JAKMIP1: variants seen among roughly 807,000 people sequenced by gnomAD.
JAKMIP1 encodes janus kinase and microtubule-interacting protein 1.
A neutral mutation model predicts 113.0 loss-of-function variants in JAKMIP1; 33 were observed. The observed-to-expected ratio is 0.29, with a 90% confidence interval of 0.22 to 0.39. The LOEUF (loss-of-function observed/expected upper bound fraction) is 0.39, where lower values mean the gene tolerates loss of function less well. JAKMIP1 is among the 10% of genes least tolerant of loss of function. The pLI, the probability that JAKMIP1 is intolerant of heterozygous loss-of-function variation, is 1.00. For missense variants in JAKMIP1, 813 were observed against 1,080.5 expected (o/e 0.75, Z 3.47); for synonymous variants, 480 against 459.9 (o/e 1.04, Z -0.56).
chr4:6,176,632 G>A lies in JAKMIP1; in HGVS notation c.-148+23621C>T, dbSNP rs1036161800. ...CTCCATGTTTACAAATGGGGAAACT[G>A]AGGCTTGCAGTGGTAGAATGACTCA... On this transcript the variant is annotated intron_variant, in intron 1 of 20. Transcript: ENST00000409021. This position sits in a 1 kb window ranked among gnomAD's most constrained non-coding sequence, Gnocchi z 5.5. Among the ~76,000 whole-genome samples, 3 of 152,178 alleles carry A rather than the reference G, an allele frequency of 2.0e-5. No individual in the cohort carries two copies. Among genetic ancestry groups the A allele is most frequent in the African/African-American group, 7.2e-5 (3 of 41,442 alleles).
rs540417336 is a variant in JAKMIP1, at chr4:6,140,213, C to G, written c.-147-27216G>C. 5.9e-5 allele frequency among the ~76,000 whole-genome samples: 9 copies of G among 151,636 alleles called. No individual in the cohort carries two copies. Among genetic ancestry groups the G allele is most frequent in the Non-Finnish European group, 1.0e-4 (7 of 67,988 alleles). On this transcript the variant is annotated intron_variant, in intron 1 of 20. Coordinates refer to ENST00000409021, the MANE Select transcript of JAKMIP1 (RefSeq NM_001099433.2). This position sits in a 1 kb window ranked among gnomAD's most constrained non-coding sequence, Gnocchi z 9.4. Reference sequence around the variant, plus strand: ...ATCAATGTTCACGTGGCTCTCCACCCGGACATTTGGGCTGCTCCCTATTTT... The same window carrying G: ...ATCAATGTTCACGTGGCTCTCCACCGGGACATTTGGGCTGCTCCCTATTTT...
rs936134532 is a variant in JAKMIP1 at position 6,154,372 on chromosome 4, T to C, written c.-147-41375A>G. Among the ~76,000 whole-genome samples the C allele has an allele frequency of 6.6e-6, 1 of 152,090 alleles. No individual in the cohort carries two copies. The highest frequency in any genetic ancestry group is 1.5e-5 in the Non-Finnish European group (1 of 68,006). The stretch of plus-strand genomic sequence containing the variant: ...TAAATCTGCATGCCCAGAAAGGATT[T>C]ACCACAAAGAGCGTGAAGAGAGTGG... On this transcript the variant is annotated intron_variant, in intron 1 of 20. Coordinates refer to ENST00000409021, the MANE Select transcript of JAKMIP1 (RefSeq NM_001099433.2). This position sits in a 1 kb window ranked among gnomAD's most constrained non-coding sequence, Gnocchi z 4.2.
rs1040740732 is a variant in JAKMIP1, at chr4:6,180,885, A to C, written c.-148+19368T>G. Among the ~76,000 whole-genome samples, 8 of 152,178 alleles carry C rather than the reference A, an allele frequency of 5.3e-5. No individual in the cohort carries two copies. The highest frequency in any genetic ancestry group is 1.0e-4 in the Non-Finnish European group (7 of 68,024). On this transcript the variant is annotated intron_variant, in intron 1 of 20. Coordinates refer to ENST00000409021, the MANE Select transcript of JAKMIP1 (RefSeq NM_001099433.2). The surrounding 1 kb of genome is among the most constrained non-coding windows in gnomAD (Gnocchi z 4.5). ...AAAAACTTTTTCTTTTTCAACTGCT[A>C]CTTGCTGGCTCTTGGCCAACTCATT...
intron 1 of JAKMIP1, among the ~76,000 whole-genome samples, chr4:6,115,518 G>C (rs989788047): frequency 6.6e-6 from 1 of 152,214 alleles, no homozygotes; most frequent in African/African-American, 2.4e-5. Flanking sequence ...TTGAGCACCT[G>C]CAAGGTGCCA....
intron 10 of JAKMIP1, 94 bp downstream of exon 10, chr4:6,062,218 A>C: frequency 7.3e-7 from 1 of 1,376,016 alleles, no homozygotes; most frequent in Non-Finnish European, 1.0e-6. Context: ...ATCCCCTCTG[A>C]GTGTCCAAGC....
Position 6,139,938 on chromosome 4 carries a change from C to G in JAKMIP1, c.-147-26941G>C, listed in dbSNP as rs34661535. 6.6e-6 allele frequency among the ~76,000 whole-genome samples: 1 copy of G among 151,970 alleles called. No individual in the cohort carries two copies. Among genetic ancestry groups the G allele is most frequent in the Non-Finnish European group, 1.5e-5 (1 of 67,984 alleles). ...AAAGCACAGGAAGCCAGGGGAGAGG[C>G]CTGGGGCAGAGTCCCCTCGCAGCCT... On this transcript the variant is annotated intron_variant, in intron 1 of 20. Transcript: ENST00000409021. This position sits in a 1 kb window ranked among gnomAD's most constrained non-coding sequence, Gnocchi z 5.2.
intron 1 of JAKMIP1, among the ~76,000 whole-genome samples, chr4:6,123,154 C>G (rs1448983343): frequency 6.6e-6 from 1 of 152,232 alleles, no homozygotes; most frequent in African/African-American, 2.4e-5. Context: ...CTCGAAAATG[C>G]ACACCTATCT....
rs1202531051 is a variant in JAKMIP1 at position 6,180,742 on chromosome 4, A to G, written c.-148+19511T>C. 1.3e-5 allele frequency among the ~76,000 whole-genome samples: 2 copies of G among 152,176 alleles called. No individual in the cohort carries two copies. The highest frequency in any genetic ancestry group is 1.9e-4 in the East Asian group (1 of 5,198). ...GCAAGTGGGGGTGGAGGTTGTAGCA[A>G]GTGGATGTTGCAGCTAATTCAGTGA... On this transcript the variant is annotated intron_variant, in intron 1 of 20. Coordinates refer to ENST00000409021, the MANE Select transcript of JAKMIP1 (RefSeq NM_001099433.2). The surrounding 1 kb of genome is among the most constrained non-coding windows in gnomAD (Gnocchi z 4.5).
intron 12 of JAKMIP1, among the ~76,000 whole-genome samples, chr4:6,056,046 G>T (rs34477846): frequency 0.16 from 20,861 of 133,888 alleles, 2,011 homozygotes; most frequent in African/African-American, 0.3. Flanking sequence ...ATTTCTGCAG[G>T]GTGTCCCCAG....
rs1720388824 is a variant in JAKMIP1, at chr4:6,143,082, T to C, written c.-147-30085A>G. On this transcript the variant is annotated intron_variant, in intron 1 of 20. Coordinates refer to ENST00000409021, the MANE Select transcript of JAKMIP1 (RefSeq NM_001099433.2). This position sits in a 1 kb window ranked among gnomAD's most constrained non-coding sequence, Gnocchi z 4.9. ...CTCTGGCTCTGCCTCACTGTGTGACTTTGAGCAAGTTTCTCAGCCTCTCTG... is the reference window on the plus strand; with the variant it reads ...CTCTGGCTCTGCCTCACTGTGTGACCTTGAGCAAGTTTCTCAGCCTCTCTG... 6.6e-6 allele frequency among the ~76,000 whole-genome samples: 1 copy of C among 152,142 alleles called. No homozygotes were observed. Among genetic ancestry groups the C allele is most frequent in the South Asian group, 2.1e-4 (1 of 4,828 alleles).
At chr4:6,075,341 G>C (rs1427543542) in intron 8 of JAKMIP1, among the ~76,000 whole-genome samples, 5 of 152,138 alleles carry the variant, frequency 3.3e-5, no homozygotes, top group African/African-American at 7.2e-5. Flanking sequence ...AGAGAAGAAA[G>C]AGAAGCTTCT....
rs986520079 is a variant in JAKMIP1, at chr4:6,192,622, C to T, written c.-148+7631G>A. On this transcript the variant is annotated intron_variant, in intron 1 of 20. Coordinates refer to ENST00000409021, the MANE Select transcript of JAKMIP1 (RefSeq NM_001099433.2). The surrounding 1 kb of genome is among the most constrained non-coding windows in gnomAD (Gnocchi z 5.0). ...ATCACAGAGCTAGCAGGGTGGAGTT[C>T]GGAAATTAAGTCAATAGCAGTGATT... is the stretch of plus-strand genomic sequence containing the variant. Among the ~76,000 whole-genome samples the T allele has an allele frequency of 3.9e-5, 6 of 152,266 alleles. No individual in the cohort carries two copies. The highest frequency in any genetic ancestry group is 2.0e-4 in the Admixed American group (3 of 15,294).
intron 1 of JAKMIP1, among the ~76,000 whole-genome samples, chr4:6,126,198 CACAA>C (rs1297651815): frequency 7.4e-5 from 11 of 148,078 alleles, no homozygotes; most frequent in Non-Finnish European, 1.6e-4. Flanking sequence ...AACACACATA[CACAA>C]ACACACACCA....
In JAKMIP1 at chr4:6,049,865, T is replaced by G; in HGVS notation, c.1916A>C (p.Asn639Thr). 1 of 1,611,782 alleles carries G rather than the reference T, an allele frequency of 6.2e-7. No homozygotes were observed. Among genetic ancestry groups the G allele is most frequent in the Non-Finnish European group, 8.5e-7 (1 of 1,178,044 alleles). Residue 639 changes from asparagine to threonine, a missense_variant, in exon 15 of 21, where the codon AAT becomes ACT. Asn to Thr is a moderately conservative substitution (Grantham distance 65). Coordinates refer to ENST00000409021, the MANE Select transcript of JAKMIP1 (RefSeq NM_001099433.2). This position sits in a 1 kb window ranked among gnomAD's most constrained non-coding sequence, Gnocchi z 7.0. ...TAATTTCTTCATAAGTTCAGAAACA[T>G]TCACATCCTGGAAGAGATTTCCAAC... Reference protein sequence around the residue: ...FCHQEGVKDVNVSELMKKLDI... With the variant: ...FCHQEGVKDVTVSELMKKLDI...
At chr4:6,083,422 T>C (rs1158116280) in intron 5 of JAKMIP1, among the ~76,000 whole-genome samples, 3 of 151,176 alleles carry the variant, frequency 2.0e-5, no homozygotes, top group Non-Finnish European at 4.4e-5. Flanking sequence ...AAAAAAAGAT[T>C]GAAGCGTTGG....
At chr4:6,134,567 T>C (rs1157423090) in intron 1 of JAKMIP1, among the ~76,000 whole-genome samples, 3 of 152,180 alleles carry the variant, frequency 2.0e-5, no homozygotes, top group Admixed American at 1.3e-4. Context: ...TGCATACCAA[T>C]AGTTCCTCAA....
rs930796794 is a variant in JAKMIP1 at position 6,180,744 on chromosome 4, T to A, written c.-148+19509A>T. Among the ~76,000 whole-genome samples the A allele has an allele frequency of 6.6e-6, 1 of 152,094 alleles. No homozygotes were observed. Among genetic ancestry groups the A allele is most frequent in the Non-Finnish European group, 1.5e-5 (1 of 68,012 alleles). On this transcript the variant is annotated intron_variant, in intron 1 of 20. Coordinates refer to ENST00000409021, the MANE Select transcript of JAKMIP1 (RefSeq NM_001099433.2). The surrounding 1 kb of genome is among the most constrained non-coding windows in gnomAD (Gnocchi z 4.5). ...AAGTGGGGGTGGAGGTTGTAGCAAGTGGATGTTGCAGCTAATTCAGTGACA... is the reference window on the plus strand; with the variant it reads ...AAGTGGGGGTGGAGGTTGTAGCAAGAGGATGTTGCAGCTAATTCAGTGACA...
rs1719084905 is a variant in JAKMIP1, at chr4:6,135,399, CCT to C, written c.-147-22404_-147-22403del. Reference sequence around the variant, plus strand: ...GAGAGAGGCTTCGGAAGAAACCAACCCTGGTGGCAGCTTGATCTCGGACTTCC... The same window carrying C: ...GAGAGAGGCTTCGGAAGAAACCAACCGGTGGCAGCTTGATCTCGGACTTCC... On this transcript the variant is annotated intron_variant, in intron 1 of 20. Coordinates refer to ENST00000409021, the MANE Select transcript of JAKMIP1 (RefSeq NM_001099433.2). This position sits in a 1 kb window ranked among gnomAD's most constrained non-coding sequence, Gnocchi z 4.9. Among the ~76,000 whole-genome samples, 1 of 152,066 alleles carries C rather than the reference CCT, an allele frequency of 6.6e-6. No homozygotes were observed. The highest frequency in any genetic ancestry group is 1.5e-5 in the Non-Finnish European group (1 of 68,028).
rs4689338 is a variant in JAKMIP1 at position 6,116,263 on chromosome 4, C to G, written c.-147-3266G>C. Among the ~76,000 whole-genome samples, 122,502 of 151,994 alleles carry G rather than the reference C, an allele frequency of 0.81. 49,698 individuals carry two copies. The highest frequency in any genetic ancestry group is 1 in the East Asian group (5,131 of 5,156). On this transcript the variant is annotated intron_variant, in intron 1 of 20. Transcript: ENST00000409021. This position sits in a 1 kb window ranked among gnomAD's most constrained non-coding sequence, Gnocchi z 5.1. ...ATCAGCCCCTCTGGCTGCGGGCTGCCCAAAGGTCTCATCAGCAGGAGCAAC... is the reference window on the plus strand; with the variant it reads ...ATCAGCCCCTCTGGCTGCGGGCTGCGCAAAGGTCTCATCAGCAGGAGCAAC...
Sources: allele counts gnomAD v4.1 joint callset (sites outside exome capture counted in the v4.1 genomes callset), GRCh38; gene constraint gnomAD v4.1.1; non-coding constraint Gnocchi (gnomAD v3.1); transcripts MANE v1.5; gene names NCBI Gene and HGNC (gene_info 2026-07-23, HGNC 2026-07-21).